The following CLEC4F variants were observed in gnomAD, a reference collection of about 807,000 sequenced individuals.
CLEC4F encodes the protein C-type (calcium dependent, carbohydrate-recognition domain) lectin, superfamily member 13.
A neutral mutation model predicts 53.4 loss-of-function variants in CLEC4F; 45 were observed. The observed-to-expected ratio is 0.84, with a 90% CI of 0.66 to 1.08. CLEC4F has a LOEUF of 1.08. Ranked by LOEUF, CLEC4F falls within the 50% of genes least tolerant of loss-of-function variation. CLEC4F has a pLI of 0.00. For missense variants in CLEC4F, 753 were observed against 698.2 expected (o/e 1.08, Z -0.88); for synonymous variants, 245 against 257.5 (o/e 0.95, Z 0.46).
chr2:70,817,182 A>C, intron 3 of CLEC4F, 70 bp from the exon 4 acceptor site: 4 of 1,479,644 alleles, frequency 2.7e-6, no homozygotes, highest in Non-Finnish European at 3.6e-6. Context: ...TGGGCCACCC[A>C]GAGTGTTTCT....
chr2:70,818,084 G>C (rs1677029464), intron 3 of CLEC4F, among the ~76,000 whole-genome samples: 4 of 152,286 alleles, frequency 2.6e-5, no homozygotes, highest in African/African-American at 9.6e-5. Flanking sequence ...CAAGATGGCA[G>C]GGACCCTTTC....
Position 70,816,576 on chromosome 2 carries a change from T to C in CLEC4F, c.805A>G (p.Thr269Ala), listed in dbSNP as rs1553396066. 3.1e-6 allele frequency: 5 copies of C among 1,613,984 alleles called. No individual in the cohort carries two copies. The South Asian group carries it at 5.5e-5, about 18-fold the overall frequency. The change falls in exon 4 of 7, where the codon ACC becomes GCC. Residue 269 changes from threonine (T) to alanine (A), a missense_variant. Transcript: ENST00000272367. ...GHLDSVNDLR[T>A]QNQVLRNSLE... is the part of the protein sequence containing the mutation. ...CTATTTCTTAAAACCTGGTTCTGGGTCCTCAAGTCATTGACACTATCTAGA... is the reference window on the plus strand; with the variant it reads ...CTATTTCTTAAAACCTGGTTCTGGGCCCTCAAGTCATTGACACTATCTAGA...
chr2:70,813,135 G>C (rs1274503017), intron 4 of CLEC4F, among the ~76,000 whole-genome samples: 1 of 152,184 alleles, frequency 6.6e-6, no homozygotes, highest in African/African-American at 2.4e-5. Flanking sequence ...TGCCACAACA[G>C]CCTGCTCTTT....
chr2:70,821,153 T>C (rs1192139668), upstream of CLEC4F, among the ~76,000 whole-genome samples: 1 of 152,200 alleles, frequency 6.6e-6, no homozygotes, highest in Non-Finnish European at 1.5e-5. Flanking sequence ...ACAAATCCCC[T>C]GCAGATACCA....
chr2:70,808,810 G>A lies in CLEC4F; in HGVS notation c.*461C>T, dbSNP rs1284089755. Reference sequence around the variant, plus strand: ...AGGGCTGAATCAAAGAACAAGGCAGGAAGTCCACAAGGCCAACGGAAGGTC... The same window carrying A: ...AGGGCTGAATCAAAGAACAAGGCAGAAAGTCCACAAGGCCAACGGAAGGTC... On this transcript the variant is annotated 3_prime_UTR_variant, in exon 7 of 7. Transcript: ENST00000272367. 1.0e-5 allele frequency: 5 copies of A among 485,750 alleles called. No homozygotes were observed. Among genetic ancestry groups the A allele is most frequent in the South Asian group, 6.8e-5 (3 of 44,396 alleles). The allele number at this position is 485,750 out of a possible 1,614,324, so 30.1% of individuals were successfully genotyped here. A position where few individuals can be genotyped will look rare whatever the true frequency, so the allele number is the denominator to read the frequency against.
intron 5 of CLEC4F, chr2:70,811,410 A>G: frequency 1.5e-6 from 1 of 669,014 alleles, no homozygotes; most frequent in Non-Finnish European, 2.7e-6. Flanking sequence ...CCAATTATAG[A>G]TATCCTGTGC....
chr2:70,809,721 G>C lies in CLEC4F; in HGVS notation c.1658+18C>G. On this transcript the variant is annotated intron_variant, in intron 6 of 6. Transcript: ENST00000272367. ...AAAGACAGTGCCTGGGACAGCGCCA[G>C]ATGGTGGCTAGACTCACGCTTTGTT... 1 of 1,590,492 alleles carries C rather than the reference G, an allele frequency of 6.3e-7. No individual in the cohort carries two copies. The highest frequency in any genetic ancestry group is 1.7e-4 in the Middle Eastern group (1 of 5,820).
At chr2:70,817,668 A>G (rs1676997930) in intron 3 of CLEC4F, among the ~76,000 whole-genome samples, 1 of 152,226 alleles carries the variant, frequency 6.6e-6, no homozygotes, top group South Asian at 2.1e-4. Context: ...AGAAGAAAAC[A>G]CAAAGGAAAG....
rs1553395846 is a variant in CLEC4F at position 70,816,292 on chromosome 2, C to G, written c.1089G>C (p.Lys363Asn). The G allele has an allele frequency of 6.2e-7, 1 of 1,614,228 alleles. No individual in the cohort carries two copies. Among genetic ancestry groups the G allele is most frequent in the Admixed American group, 1.7e-5 (1 of 60,030 alleles). The part of the protein sequence containing the change: ...DQTDTQIQVF[K>N]SEMENVNTLN... ...AGGTATTCACATTTTCCATCTCTGA[C>G]TTGAATACCTGAATCTGAGTATCTG... The change falls in exon 4 of 7, where the codon AAG (lysine) becomes AAC (asparagine). Residue 363 changes from lysine (K) to asparagine (N), a missense_variant. Transcript: ENST00000272367.
chr2:70,819,644 G>C (rs1168637738), intron 2 of CLEC4F, 131 bp downstream of exon 2: 1 of 838,004 alleles, frequency 1.2e-6, no homozygotes, highest in Non-Finnish European at 2.0e-6. Context: ...GCTGTGGCTT[G>C]GGCCTGGAGC....
chr2:70,817,262 C>G lies in CLEC4F; in HGVS notation c.269-150G>C, dbSNP rs1676976826. On this transcript the variant is annotated intron_variant, in intron 3 of 6. Transcript: ENST00000272367. ...CCCAAGCACCCTCCTGGTCACACAGCCACCCAGACCCTGGGGACGGTCCAC... is the reference window on the plus strand; with the variant it reads ...CCCAAGCACCCTCCTGGTCACACAGGCACCCAGACCCTGGGGACGGTCCAC... The G allele has an allele frequency of 1.3e-5, 10 of 753,544 alleles. No individual in the cohort carries two copies. In the East Asian group the frequency reaches 2.7e-4, roughly 20 times the overall value. The allele number at this position is 753,544 out of a possible 1,614,324, so 46.7% of individuals were successfully genotyped here.
chr2:70,823,521 G>T (rs1677278937), upstream of CLEC4F, among the ~76,000 whole-genome samples: 1 of 152,200 alleles, frequency 6.6e-6, no homozygotes, highest in Non-Finnish European at 1.5e-5. Flanking sequence ...CTCGAAGGCA[G>T]AACTCTACGG....
intron 4 of CLEC4F, among the ~76,000 whole-genome samples, chr2:70,812,823 G>A (rs1285261768): frequency 6.6e-6 from 1 of 152,146 alleles, no homozygotes; most frequent in Non-Finnish European, 1.5e-5. Context: ...CTCCTGGGAG[G>A]CTCAGGCAGC....
At chr2:70,811,802 G>A (rs1401599097) in intron 5 of CLEC4F, among the ~76,000 whole-genome samples, 1 of 152,108 alleles carries the variant, frequency 6.6e-6, no homozygotes, top group Non-Finnish European at 1.5e-5. Context: ...AAGACAGGCT[G>A]GATGCAGTGG....
At position 70,820,554 on chromosome 2, in the gene CLEC4F, C is replaced by A; in HGVS notation, c.-31G>T. ...CTTCCTTGATCCTCCAGCACTGCTC[C>A]CAGCCACTGGCTCCTGGAAGGGCCG... On this transcript the variant is annotated 5_prime_UTR_variant, in exon 1 of 7. Transcript: ENST00000272367. 1.9e-6 allele frequency: 3 copies of A among 1,566,286 alleles called. No homozygotes were observed. Among genetic ancestry groups the A allele is most frequent in the Middle Eastern group, 1.8e-4 (1 of 5,430 alleles).
upstream of CLEC4F, among the ~76,000 whole-genome samples, chr2:70,821,565 C>T (rs1365646478): frequency 6.6e-6 from 1 of 152,200 alleles, no homozygotes; most frequent in East Asian, 1.9e-4. Context: ...GAGACAGAGT[C>T]TCCTGCACTT....
chr2:70,821,852 C>A (rs1677232796), upstream of CLEC4F, among the ~76,000 whole-genome samples: 1 of 152,138 alleles, frequency 6.6e-6, no homozygotes. Flanking sequence ...AACATCCCAG[C>A]CTCTGTCACA....
chr2:70,811,432 G>T, intron 5 of CLEC4F: 1 of 606,480 alleles, frequency 1.6e-6, no homozygotes, highest in Admixed American at 1.9e-5. Flanking sequence ...TTGGTGCCCT[G>T]CCTGTTCTGC....
upstream of CLEC4F, chr2:70,820,671 G>T: frequency 1.3e-6 from 1 of 757,218 alleles, no homozygotes; most frequent in African/African-American, 1.8e-5. Context: ...CTCCCTGCCT[G>T]ACTCTGCAGA....
Sources: allele counts gnomAD v4.1 joint callset (sites outside exome capture counted in the v4.1 genomes callset), GRCh38; gene constraint gnomAD v4.1.1; transcripts MANE v1.5; gene names NCBI Gene and HGNC (gene_info 2026-07-23, HGNC 2026-07-21).